Variants in NHS observed in about 807,000 individuals in gnomAD.
The protein encoded by NHS is NHS actin remodeling regulator, also known as actin remodeling regulator NHS.
In NHS, 5 loss-of-function variants were observed where a neutral mutation model predicts 72.5. That is an observed-to-expected ratio of 0.07 (90% CI 0.04 to 0.14). The LOEUF is 0.14. NHS is among the 10% of genes least tolerant of loss of function. NHS has a pLI of 1.00. For synonymous variants in NHS, 464 were observed against 547.7 expected, an observed-to-expected ratio of 0.85 and a Z score of 2.13; for missense variants, 1,072 against 1,355.7, an observed-to-expected ratio of 0.79 and a Z score of 3.29.
At position 17,731,891 on chromosome X, in the gene NHS, C is replaced by T. The variant is rs760572365; in HGVS notation, c.4383C>T (p.Ser1461=). 5.2e-5 allele frequency: 62 copies of T among 1,200,671 alleles called. No homozygotes were observed. The highest frequency in any genetic ancestry group is 3.5e-5 in the African/African-American group (2 of 56,572). ...SKRKVLGRKD[S]GDMSVRSKSR... is the part of the protein sequence containing the mutation. ...GGAAAGTACTTGGAAGAAAAGATTCCGGGGACATGTCTGTTCGAAGCAAAT... is the reference window on the plus strand; with the variant it reads ...GGAAAGTACTTGGAAGAAAAGATTCTGGGGACATGTCTGTTCGAAGCAAAT... Residue 1461 remains serine, a synonymous_variant, in exon 9 of 9, where the codon TCC becomes TCT. Transcript: ENST00000676302.
intron 1 of NHS, among the ~76,000 whole-genome samples, chrX:17,673,782 T>A (rs2066063920): frequency 8.9e-6 from 1 of 112,084 alleles, no homozygotes; most frequent in South Asian, 3.7e-4. Flanking sequence ...AAAAAATTTT[T>A]GCCTCAAAAG....
At chrX:17,544,805 A>T (rs2065283879) in intron 1 of NHS, among the ~76,000 whole-genome samples, 1 of 112,505 alleles carries the variant, frequency 8.9e-6, no homozygotes, top group Non-Finnish European at 1.9e-5. Flanking sequence ...GAGCCACCAC[A>T]CCCAGACAAC....
rs765359291 is a variant in NHS, at chrX:17,538,903, C to T, written c.566-148839C>T. Reference sequence around the variant, plus strand: ...GTGACTCTCCCTCTCTCCTGCTTCCCTGTCTAGCCACTGCCCTTGTCTTTC... The same window carrying T: ...GTGACTCTCCCTCTCTCCTGCTTCCTTGTCTAGCCACTGCCCTTGTCTTTC... On this transcript the variant is annotated intron_variant, in intron 1 of 8. Coordinates refer to ENST00000676302, the MANE Select transcript of NHS (RefSeq NM_001291867.2). 9.8e-5 allele frequency among the ~76,000 whole-genome samples: 11 copies of T among 112,250 alleles called. No homozygotes were observed. In the South Asian group the frequency reaches 4.1e-3, roughly 42 times the overall value.
In NHS at chrX:17,735,495, TG is replaced by T. The variant is rs1423884742; in HGVS notation, c.*3032del. ...TTTAAAAATTCTACTTTGGTTTTGT[TG>T]TTGTTTTGATTTGTTTTTGGCTAAG... On this transcript the variant is annotated 3_prime_UTR_variant, in exon 9 of 9. Coordinates refer to ENST00000676302, the MANE Select transcript of NHS (RefSeq NM_001291867.2). The T allele has an allele frequency of 8.9e-6, 1 of 112,884 alleles. No homozygotes were observed. Among genetic ancestry groups the T allele is most frequent in the Non-Finnish European group, 1.9e-5 (1 of 53,319 alleles). 9.3% of individuals were successfully genotyped at this position (112,884 alleles called of 1,213,427 possible). A position where few individuals can be genotyped will look rare whatever the true frequency, so the allele number is the denominator to read the frequency against.
intron 1 of NHS, among the ~76,000 whole-genome samples, chrX:17,421,574 A>T (rs1307421194): frequency 9.1e-6 from 1 of 109,484 alleles, no homozygotes; most frequent in Non-Finnish European, 1.9e-5. Context: ...CTTTTTGTTT[A>T]TTTTATTTTA....
intron 1 of NHS, among the ~76,000 whole-genome samples, chrX:17,539,433 A>G (rs1313932351): frequency 9.1e-6 from 1 of 110,204 alleles, no homozygotes; most frequent in Non-Finnish European, 1.9e-5. Context: ...TATAAGCTTC[A>G]TGGGGTCAGA....
intron 1 of NHS, among the ~76,000 whole-genome samples, chrX:17,444,561 T>C (rs964052521): frequency 8.9e-6 from 1 of 111,972 alleles, no homozygotes; most frequent in Non-Finnish European, 1.9e-5. Context: ...TAAAAGCTCC[T>C]TAGGTGATTC....
intron 1 of NHS, among the ~76,000 whole-genome samples, chrX:17,549,352 G>GC (rs1014685819): frequency 9.1e-6 from 1 of 110,137 alleles, no homozygotes; most frequent in Non-Finnish European, 1.9e-5. Context: ...GGTGCTAACT[G>GC]CCCCCGTTGT....
chrX:17,647,432 T>C (rs953732014), intron 1 of NHS, among the ~76,000 whole-genome samples: 4 of 112,015 alleles, frequency 3.6e-5, no homozygotes, highest in Non-Finnish European at 3.8e-5. Context: ...ATAGTTCAAT[T>C]TGGCCCTAAT....
At chrX:17,473,513 A>C (rs1271328213) in intron 1 of NHS, among the ~76,000 whole-genome samples, 1 of 112,297 alleles carries the variant, frequency 8.9e-6, no homozygotes, top group Non-Finnish European at 1.9e-5. Context: ...AATGAGTTTA[A>C]ATTTTAAAAT....
chrX:17,690,472 T>C (rs2066189269), intron 2 of NHS, among the ~76,000 whole-genome samples: 1 of 112,234 alleles, frequency 8.9e-6, no homozygotes. Flanking sequence ...TCTGTGCTTC[T>C]TTTGGAGGTG....
intron 1 of NHS, among the ~76,000 whole-genome samples, chrX:17,385,259 A>G (rs2064400384): frequency 8.9e-6 from 1 of 112,145 alleles, no homozygotes; most frequent in Non-Finnish European, 1.9e-5. Flanking sequence ...GTGCTAAAAA[A>G]TTGCTTAATT....
At chrX:17,659,528 C>T (rs182094223) in intron 1 of NHS, among the ~76,000 whole-genome samples, 310 of 111,813 alleles carry the variant, frequency 2.8e-3, no homozygotes, top group African/African-American at 9.2e-3. Flanking sequence ...TGAAATCATA[C>T]CTAGATCCCC....
chrX:17,680,988 A>G lies in NHS; in HGVS notation c.566-6754A>G, dbSNP rs557818056. 8.0e-5 allele frequency among the ~76,000 whole-genome samples: 9 copies of G among 112,296 alleles called. No individual in the cohort carries two copies. In the South Asian group the frequency reaches 3.3e-3, roughly 41 times the overall value. ...AGGACTGCAACTCTGCCACTGGCTC[A>G]GAGAGTTAGGATCGCTGAGTCATTA... On this transcript the variant is annotated intron_variant, in intron 1 of 8. Coordinates refer to ENST00000676302, the MANE Select transcript of NHS (RefSeq NM_001291867.2).
At position 17,415,085 on chromosome X, in the gene NHS, G is replaced by A. The variant is rs553001089; in HGVS notation, c.565+38763G>A. 4.4e-4 allele frequency among the ~76,000 whole-genome samples: 49 copies of A among 111,291 alleles called. No individual in the cohort carries two copies. In the South Asian group the frequency reaches 0.018, roughly 40 times the overall value. ...GGTGGAGACCTCGCTGGGGACAGCT[G>A]AGCAGATGACAAGTCTGCACCAAGA... On this transcript the variant is annotated intron_variant, in intron 1 of 8. Transcript: ENST00000676302.
At chrX:17,643,264 T>A (rs35538571) in intron 1 of NHS, among the ~76,000 whole-genome samples, 2,564 of 111,732 alleles carry the variant, frequency 0.023, 29 homozygotes, top group Middle Eastern at 0.046. Flanking sequence ...AAAACCTATG[T>A]TTTGTGTGTG....
At chrX:17,669,936 C>G (rs2066034585) in intron 1 of NHS, among the ~76,000 whole-genome samples, 1 of 111,969 alleles carries the variant, frequency 8.9e-6, no homozygotes, top group African/African-American at 3.2e-5. Context: ...TTGAATTCAC[C>G]CCAGGAAGAA....
At chrX:17,696,628 G>C (rs910996401) in intron 3 of NHS, among the ~76,000 whole-genome samples, 1 of 111,799 alleles carries the variant, frequency 8.9e-6, no homozygotes, top group Non-Finnish European at 1.9e-5. Context: ...ATTAGACTTA[G>C]ACTTACAGTG....
At chrX:17,505,079 A>G (rs1360201536) in intron 1 of NHS, among the ~76,000 whole-genome samples, 1 of 111,346 alleles carries the variant, frequency 9.0e-6, no homozygotes, top group Non-Finnish European at 1.9e-5. Context: ...TACTACACAC[A>G]ATGTTCATTA....
Sources: allele counts gnomAD v4.1 joint callset (sites outside exome capture counted in the v4.1 genomes callset), GRCh38; gene constraint gnomAD v4.1.1; transcripts MANE v1.5; gene names NCBI Gene and HGNC (gene_info 2026-07-23, HGNC 2026-07-21).